Variants in PSTPIP1 observed in about 807,000 individuals in gnomAD.
PSTPIP1 encodes the protein proline-serine-threonine phosphatase-interacting protein 1.
PSTPIP1 carries 66 observed loss-of-function variants against 69.6 expected under a neutral mutation model. The ratio of observed to expected loss-of-function variants is 0.95; its 90% CI spans 0.78 to 1.16. The LOEUF (loss-of-function observed/expected upper bound fraction) is 1.16, where lower values mean the gene tolerates loss of function less well. Ranked by LOEUF, PSTPIP1 falls within the 50% of genes most tolerant of loss-of-function variation. PSTPIP1 has a pLI of 0.00. For synonymous variants in PSTPIP1, 266 were observed against 222.7 expected (o/e 1.19, Z -1.73); for missense variants, 603 against 557.4 (o/e 1.08, Z -0.82).
intron 1 of PSTPIP1, among the ~76,000 whole-genome samples, chr15:77,006,814 T>C (rs1286650507): frequency 6.6e-6 from 1 of 152,226 alleles, no homozygotes; most frequent in Admixed American, 6.5e-5. Flanking sequence ...TGTCTGTCCT[T>C]ATGACACTAC....
In PSTPIP1 at chr15:77,029,745, G is replaced by A. The variant is rs112256546; in HGVS notation, c.562+171G>A. On this transcript the variant is annotated intron_variant, in intron 8 of 14. Coordinates refer to ENST00000558012, the MANE Select transcript of PSTPIP1 (RefSeq NM_003978.5). ...AAGTAAACGCTGTGTTCCCCCATTC[G>A]CCAGCCCTTCTTGGCGCTTCATGTG... 2.0e-3 allele frequency among the ~76,000 whole-genome samples: 312 copies of A among 152,220 alleles called. 2 individuals are homozygous for A. The highest frequency in any genetic ancestry group is 6.7e-3 in the African/African-American group (277 of 41,522).
Position 76,995,247 on chromosome 15 carries a change from C to T in PSTPIP1, c.-327C>T, listed in dbSNP as rs2075549406. 2.4e-6 allele frequency: 3 copies of T among 1,267,166 alleles called. No homozygotes were observed. The highest frequency in any genetic ancestry group is 3.0e-5 in the African/African-American group (2 of 65,802). 78.5% of individuals were successfully genotyped at this position (1,267,166 alleles called of 1,614,324 possible). ...CCAGGGCTGGCATCCCTGCTCCCTGCCCTGGGTCCCAGACTGTGTCCTCCA... is the reference window on the plus strand; with the variant it reads ...CCAGGGCTGGCATCCCTGCTCCCTGTCCTGGGTCCCAGACTGTGTCCTCCA... On this transcript the variant is annotated 5_prime_UTR_variant, in exon 1 of 15. Coordinates refer to ENST00000558012, the MANE Select transcript of PSTPIP1 (RefSeq NM_003978.5).
intron 12 of PSTPIP1, among the ~76,000 whole-genome samples, chr15:77,034,858 G>C (rs1014312484): frequency 3.3e-5 from 5 of 152,236 alleles, no homozygotes; most frequent in Non-Finnish European, 1.5e-5. Context: ...CCTTTATTCA[G>C]TAAACCTTCA....
intron 6 of PSTPIP1, 94 bp downstream of exon 6, chr15:77,028,008 G>A: frequency 1.7e-6 from 2 of 1,184,188 alleles, no homozygotes; most frequent in Non-Finnish European, 2.4e-6. Context: ...CAGGGCATTT[G>A]GAACAGGCTG....
upstream of PSTPIP1, chr15:76,994,814 G>C: frequency 7.8e-7 from 1 of 1,289,100 alleles, no homozygotes; most frequent in Non-Finnish European, 1.0e-6. Context: ...CCCTAGACCT[G>C]GGTAAGCCCC....
In PSTPIP1 at chr15:77,035,926, T is replaced by C. The variant is rs762667938; in HGVS notation, c.1110T>C (p.Tyr370=). ...PAQEYRALYD[Y]TAQNPDELDL... ...AGGAGTACCGGGCGCTCTACGATTA[T>C]ACAGCGCAGGTGAGGCCTCTATACC... is the stretch of plus-strand genomic sequence containing the variant. Residue 370 remains tyrosine (Y), a synonymous_variant, in exon 14 of 15, where the codon TAT becomes TAC. Coordinates refer to ENST00000558012, the MANE Select transcript of PSTPIP1 (RefSeq NM_003978.5). 10 of 1,603,520 alleles carry C rather than the reference T, an allele frequency of 6.2e-6. No homozygotes were observed. In the East Asian group the frequency reaches 1.8e-4, roughly 29 times the overall value.
intron 8 of PSTPIP1, among the ~76,000 whole-genome samples, chr15:77,029,864 G>A (rs1016821313): frequency 3.3e-5 from 5 of 152,136 alleles, no homozygotes; most frequent in Non-Finnish European, 1.5e-5. Context: ...TCCAGTACTT[G>A]CCCCAGGTTA....
At chr15:77,031,031 T>A (rs1357241510) in intron 9 of PSTPIP1, 149 bp from the exon 10 acceptor site, 6 of 725,592 alleles carry the variant, frequency 8.3e-6, no homozygotes, top group Non-Finnish European at 1.3e-5. Context: ...GGAGTCGGGA[T>A]GGGGACCCCA....
At chr15:77,030,314 G>GAGCAGC (rs1001262793) in intron 8 of PSTPIP1, among the ~76,000 whole-genome samples, 188 bp from the exon 9 acceptor site, 3 of 152,254 alleles carry the variant, frequency 2.0e-5, no homozygotes, top group African/African-American at 7.2e-5. Flanking sequence ...CACAGTTGGG[G>GAGCAGC]AGCAGCAGCA....
At chr15:77,033,605 T>A (rs1261929318) in intron 12 of PSTPIP1, among the ~76,000 whole-genome samples, 1 of 152,098 alleles carries the variant, frequency 6.6e-6, no homozygotes, top group Non-Finnish European at 1.5e-5. Flanking sequence ...TCTGTGGGTT[T>A]CACATGGTGC....
chr15:77,007,785 C>T lies in PSTPIP1; in HGVS notation c.37-10363C>T, dbSNP rs189869922. 1.0e-4 allele frequency: 40 copies of T among 393,000 alleles called. No individual in the cohort carries two copies. The East Asian group carries it at 1.9e-3, about 18-fold the overall frequency. The allele number at this position is 393,000 out of a possible 1,614,324, so 24.3% of individuals were successfully genotyped here. A position where few individuals can be genotyped will look rare whatever the true frequency, so the allele number is the denominator to read the frequency against. The stretch of plus-strand genomic sequence containing the variant: ...AATTTTTTTGTATTTTTAGTAGAGA[C>T]GGGGTTTCACTGGTTAGCCAGGATG... On this transcript the variant is annotated intron_variant, in intron 1 of 14. Transcript: ENST00000558012.
chr15:77,030,640 C>G, intron 9 of PSTPIP1, 59 bp downstream of exon 9: 2 of 1,491,688 alleles, frequency 1.3e-6, no homozygotes, highest in Non-Finnish European at 1.8e-6. Flanking sequence ...ACGCCCATCC[C>G]TACTCCAGCT....
rs1231753840 is a variant in PSTPIP1, at chr15:77,014,781, C to T, written c.37-3367C>T. Among the ~76,000 whole-genome samples the T allele has an allele frequency of 2.0e-5, 3 of 152,258 alleles. No individual in the cohort carries two copies. In the East Asian group the frequency reaches 5.8e-4, roughly 29 times the overall value. On this transcript the variant is annotated intron_variant, in intron 1 of 14. Transcript: ENST00000558012. ...CCCACCAGAGAATGAAGCCAGTAGGCTGTCCCTGACAGAACAGGGCACCCA... is the reference window on the plus strand; with the variant it reads ...CCCACCAGAGAATGAAGCCAGTAGGTTGTCCCTGACAGAACAGGGCACCCA...
chr15:77,037,323 T>A lies in PSTPIP1; in HGVS notation c.*147T>A. 1 of 1,076,592 alleles carries A rather than the reference T, an allele frequency of 9.3e-7. No homozygotes were observed. The highest frequency in any genetic ancestry group is 3.2e-4 in the Middle Eastern group (1 of 3,134). The allele number at this position is 1,076,592 out of a possible 1,614,324, so 66.7% of individuals were successfully genotyped here. The stretch of plus-strand genomic sequence containing the variant: ...GTCTCCCAGGGAATAAAGGAGTGCG[T>A]TCTGTTCTCCTTGGTGTGCTGGGGT... On this transcript the variant is annotated 3_prime_UTR_variant, in exon 15 of 15. Transcript: ENST00000558012.
chr15:77,018,918 CA>C (rs1201554015), intron 3 of PSTPIP1, among the ~76,000 whole-genome samples: 3 of 152,184 alleles, frequency 2.0e-5, no homozygotes, highest in Non-Finnish European at 4.4e-5. Context: ...TAGCCAGAGA[CA>C]GGGGTCCAGG....
intron 3 of PSTPIP1, among the ~76,000 whole-genome samples, chr15:77,021,317 G>T: frequency 6.6e-6 from 1 of 152,186 alleles, no homozygotes; most frequent in East Asian, 1.9e-4. Context: ...CATCCGTGGG[G>T]CAGTGGCAAT....
At chr15:77,036,054 CCT>C in intron 14 of PSTPIP1, 119 bp downstream of exon 14, 1 of 1,329,682 alleles carries the variant, frequency 7.5e-7, no homozygotes, top group Non-Finnish European at 1.0e-6. Context: ...CTTCGAGCAT[CCT>C]CTCCTCCTCA....
chr15:77,007,921 T>C (rs1273747068), intron 1 of PSTPIP1: 2 of 455,880 alleles, frequency 4.4e-6, no homozygotes, highest in Non-Finnish European at 8.8e-6. Context: ...AGGACTGCAG[T>C]CACTGAAGCA....
In PSTPIP1 at chr15:77,036,887, C is replaced by T. The variant is rs185243245; in HGVS notation, c.1120-158C>T. 3.2e-4 allele frequency among the ~76,000 whole-genome samples: 48 copies of T among 152,226 alleles called. No individual in the cohort carries two copies. In the East Asian group the frequency reaches 7.2e-3, roughly 23 times the overall value. On this transcript the variant is annotated intron_variant, in intron 14 of 14. Transcript: ENST00000558012. ...ACTGAGGGGGATGGGAGGCCCGGTCCGTTGGGTTACCCCCATCCTGTGTCC... is the reference window on the plus strand; with the variant it reads ...ACTGAGGGGGATGGGAGGCCCGGTCTGTTGGGTTACCCCCATCCTGTGTCC...
Sources: gnomAD v4.1 joint callset for allele counts (sites outside exome capture counted in the v4.1 genomes callset) on GRCh38, gnomAD v4.1.1 for gene constraint, MANE v1.5 for transcripts, NCBI Gene and HGNC (gene_info 2026-07-23, HGNC 2026-07-21) for gene names.